Variants in H1-2 observed in about 807,000 individuals in gnomAD.
H1-2 encodes H1.2 linker histone, cluster member.
H1-2 carries 7 observed loss-of-function variants against 7.2 expected under a neutral mutation model. That is an observed-to-expected ratio of 0.97 (90% CI 0.55 to 1.82). H1-2 has a LOEUF of 1.82. Ranked by LOEUF, H1-2 falls within the 40% of genes most tolerant of loss-of-function variation. H1-2 has a pLI of 0.00. For missense variants in H1-2, 703 were observed against 276.6 expected, an observed-to-expected ratio of 2.54 and a Z score of -10.94; for synonymous variants, 300 against 118.2, an observed-to-expected ratio of 2.54 and a Z score of -9.98.
rs780078059 is a variant in H1-2 at position 26,056,030 on chromosome 6, C to G, written c.399G>C (p.Gly133=). The G allele has an allele frequency of 3.1e-6, 5 of 1,614,060 alleles. No homozygotes were observed. The highest frequency in any genetic ancestry group is 1.7e-4 in the Middle Eastern group (1 of 6,000). Residue 133 remains glycine (G), a synonymous_variant, in exon 1 of 1, where the codon GGG becomes GGC. Transcript: ENST00000343677. ...CCGCCTTCTTGGGCTTCTTGGCTGC[C>G]CCAACTGGCTTCTTAGGTTTGGTTC... is the stretch of plus-strand genomic sequence containing the variant. ...AGGTKPKKPV[G]AAKKPKKAAG...
In H1-2 at chr6:26,055,890, G is replaced by A. The variant is rs201784591; in HGVS notation, c.539C>T (p.Ala180Val). The A allele has an allele frequency of 4.0e-5, 64 of 1,614,122 alleles. No individual in the cohort carries two copies. Among genetic ancestry groups the A allele is most frequent in the Non-Finnish European group, 8.5e-7 (1 of 1,180,024 alleles). ...VAKSPKKAKVAKPKKAAKSAA... is the reference protein window; with the variant it reads ...VAKSPKKAKVVKPKKAAKSAA... The stretch of plus-strand genomic sequence containing the variant: ...ACTTTTGGCAGCTTTCTTGGGCTTC[G>A]CAACCTTGGCCTTCTTTGGGCTCTT... The change falls in exon 1 of 1, where the codon GCG becomes GTG. Residue 180 changes from alanine to valine, a missense_variant. Coordinates refer to ENST00000343677, the MANE Select transcript of H1-2 (RefSeq NM_005319.4).
rs370981488 is a variant in H1-2 at position 26,055,903 on chromosome 6, T to C, written c.526A>G (p.Lys176Glu). ...VTKKVAKSPKKAKVAKPKKAA... is the reference protein window; with the variant it reads ...VTKKVAKSPKEAKVAKPKKAA... The stretch of plus-strand genomic sequence containing the variant: ...TTCTTGGGCTTCGCAACCTTGGCCT[T>C]CTTTGGGCTCTTAGCCACTTTCTTG... The change falls in exon 1 of 1, where the codon AAG becomes GAG. Residue 176 changes from lysine to glutamate, a missense_variant. Transcript: ENST00000343677. 8.7e-6 allele frequency: 14 copies of C among 1,614,162 alleles called. No homozygotes were observed. Among genetic ancestry groups the C allele is most frequent in the Non-Finnish European group, 1.1e-5 (13 of 1,180,004 alleles).
At position 26,056,390 on chromosome 6, in the gene H1-2, A is replaced by G. The variant is rs1279488007; in HGVS notation, c.39T>C (p.Pro13=). 1 of 1,601,640 alleles carries G rather than the reference A, an allele frequency of 6.2e-7. No individual in the cohort carries two copies. The highest frequency in any genetic ancestry group is 1.7e-5 in the Admixed American group (1 of 57,516). Residue 13 remains proline (P), a synonymous_variant, in exon 1 of 1, where the codon CCT becomes CCC. Transcript: ENST00000343677. ...ETAPAAPAAA[P]PAEKAPVKKK... ...TCTTTACAGGGGCCTTCTCCGCAGG[A>G]GGCGCGGCAGCGGGAGCGGCAGGAG... is the stretch of plus-strand genomic sequence containing the variant.
chr6:26,055,994 T>G lies in H1-2; in HGVS notation c.435A>C (p.Ala145=). ...AKKPKKAAGG[A]TPKKSAKKTP... ...TTTTCTTAGCGCTCTTCTTCGGAGTTGCGCCGCCAGCCGCCTTCTTGGGCT... is the reference window on the plus strand; with the variant it reads ...TTTTCTTAGCGCTCTTCTTCGGAGTGGCGCCGCCAGCCGCCTTCTTGGGCT... The change falls in exon 1 of 1, where the codon GCA becomes GCC. Residue 145 remains alanine, a synonymous_variant. Coordinates refer to ENST00000343677, the MANE Select transcript of H1-2 (RefSeq NM_005319.4). 1 of 1,614,010 alleles carries G rather than the reference T, an allele frequency of 6.2e-7. No homozygotes were observed.
In H1-2 at chr6:26,056,386, C is replaced by G. The variant is rs765202344; in HGVS notation, c.43G>C (p.Ala15Pro). The change falls in exon 1 of 1, where the codon GCG becomes CCG. Residue 15 changes from alanine (A) to proline (P), a missense_variant. Physicochemically the swap from Ala to Pro is conservative, Grantham distance 27. Coordinates refer to ENST00000343677, the MANE Select transcript of H1-2 (RefSeq NM_005319.4). ...TTCTTCTTTACAGGGGCCTTCTCCG[C>G]AGGAGGCGCGGCAGCGGGAGCGGCA... ...APAAPAAAPP[A>P]EKAPVKKKAA... 2 of 1,603,104 alleles carry G rather than the reference C, an allele frequency of 1.2e-6. No individual in the cohort carries two copies. The highest frequency in any genetic ancestry group is 2.2e-5 in the South Asian group (2 of 90,132).
Position 26,056,315 on chromosome 6 carries a change from G to C in H1-2, c.114C>G (p.Pro38=), listed in dbSNP as rs780590605. 8.1e-6 allele frequency: 13 copies of C among 1,613,966 alleles called. No homozygotes were observed. Among genetic ancestry groups the C allele is most frequent in the Admixed American group, 1.7e-5 (1 of 60,008 alleles). ...CCTTGGTGATGAGCTCTGACACCGG[G>C]GGACCAGACGCCTTACGAGGCGTAC... ...AGGTPRKASG[P]PVSELITKAV... The change falls in exon 1 of 1, where the codon CCC becomes CCG. Residue 38 remains proline (P), a synonymous_variant. Coordinates refer to ENST00000343677, the MANE Select transcript of H1-2 (RefSeq NM_005319.4).
Position 26,056,407 on chromosome 6 carries a change from C to T in H1-2, c.22G>A (p.Ala8Thr), listed in dbSNP as rs776476052. 7.8e-5 allele frequency: 124 copies of T among 1,598,924 alleles called. No individual in the cohort carries two copies. The highest frequency in any genetic ancestry group is 9.5e-5 in the Non-Finnish European group (112 of 1,173,346). ...TCCGCAGGAGGCGCGGCAGCGGGAG[C>T]GGCAGGAGCAGTCTCGGACATGTTG... MSETAPA[A>T]PAAAPPAEKA... The change falls in exon 1 of 1, where the codon GCT (alanine) becomes ACT (threonine). Residue 8 changes from alanine to threonine, a missense_variant. Coordinates refer to ENST00000343677, the MANE Select transcript of H1-2 (RefSeq NM_005319.4).
rs200564301 is a variant in H1-2, at chr6:26,055,857, T to G, written c.572A>C (p.Lys191Thr). Residue 191 changes from lysine to threonine, a missense_variant, in exon 1 of 1, where the codon AAG becomes ACG. Coordinates refer to ENST00000343677, the MANE Select transcript of H1-2 (RefSeq NM_005319.4). ...CTTAGCGGCCTTGGGCTTCACAGCC[T>G]TAGCAGCACTTTTGGCAGCTTTCTT... ...KPKKAAKSAA[K>T]AVKPKAAKPK... is the part of the protein sequence containing the mutation. 108 of 1,614,146 alleles carry G rather than the reference T, an allele frequency of 6.7e-5. No individual in the cohort carries two copies. The East Asian group carries it at 2.2e-3, about 33-fold the overall frequency.
rs748867178 is a variant in H1-2 at position 26,056,433 on chromosome 6, A to T, written c.-5T>A. The T allele has an allele frequency of 7.0e-6, 11 of 1,562,972 alleles. No individual in the cohort carries two copies. The African/African-American group carries it at 1.4e-4, about 20-fold the overall frequency. ...GGCAGGAGCAGTCTCGGACATGTTGAGAATCAAAAACTCGGGTACAAGTGG... is the reference window on the plus strand; with the variant it reads ...GGCAGGAGCAGTCTCGGACATGTTGTGAATCAAAAACTCGGGTACAAGTGG... On this transcript the variant is annotated 5_prime_UTR_variant, in exon 1 of 1. Coordinates refer to ENST00000343677, the MANE Select transcript of H1-2 (RefSeq NM_005319.4).
chr6:26,056,469 A>G lies in H1-2; in HGVS notation c.-41T>C, dbSNP rs780877147. Reference sequence around the variant, plus strand: ...CTCGGGTACAAGTGGCAAAGCGCCGATGAAGCAGCGCCTGGGCAGGGCCGC... The same window carrying G: ...CTCGGGTACAAGTGGCAAAGCGCCGGTGAAGCAGCGCCTGGGCAGGGCCGC... On this transcript the variant is annotated 5_prime_UTR_variant, in exon 1 of 1. Coordinates refer to ENST00000343677, the MANE Select transcript of H1-2 (RefSeq NM_005319.4). The G allele has an allele frequency of 3.3e-6, 5 of 1,535,658 alleles. No individual in the cohort carries two copies. The highest frequency in any genetic ancestry group is 2.3e-5 in the East Asian group (1 of 44,382).
At position 26,055,848 on chromosome 6, in the gene H1-2, T is replaced by C. The variant is rs1443155576; in HGVS notation, c.581A>G (p.Lys194Arg). ...AACCTTGGGCTTAGCGGCCTTGGGCTTCACAGCCTTAGCAGCACTTTTGGC... is the reference window on the plus strand; with the variant it reads ...AACCTTGGGCTTAGCGGCCTTGGGCCTCACAGCCTTAGCAGCACTTTTGGC... ...KAAKSAAKAV[K>R]PKAAKPKVVK... Residue 194 changes from lysine to arginine, a missense_variant, in exon 1 of 1, where the codon AAG becomes AGG. Transcript: ENST00000343677. 2 of 1,613,830 alleles carry C rather than the reference T, an allele frequency of 1.2e-6. No individual in the cohort carries two copies. The highest frequency in any genetic ancestry group is 1.3e-5 in the African/African-American group (1 of 74,926).
chr6:26,055,826 C>T lies in H1-2; in HGVS notation c.603G>A (p.Lys201=), dbSNP rs762236209. The part of the protein sequence containing the change: ...KAVKPKAAKP[K]VVKPKKAAPK... ...GCGCCGCCTTCTTAGGCTTGACAACCTTGGGCTTAGCGGCCTTGGGCTTCA... is the reference window on the plus strand; with the variant it reads ...GCGCCGCCTTCTTAGGCTTGACAACTTTGGGCTTAGCGGCCTTGGGCTTCA... The change falls in exon 1 of 1, where the codon AAG becomes AAA. Residue 201 remains lysine (K), a synonymous_variant. Transcript: ENST00000343677. 2.5e-6 allele frequency: 4 copies of T among 1,611,538 alleles called. No homozygotes were observed. The highest frequency in any genetic ancestry group is 2.2e-5 in the East Asian group (1 of 44,862).
chr6:26,056,316 G>T lies in H1-2; in HGVS notation c.113C>A (p.Pro38His). ...CTTGGTGATGAGCTCTGACACCGGG[G>T]GACCAGACGCCTTACGAGGCGTACC... ...AGGTPRKASG[P>H]PVSELITKAV... The change falls in exon 1 of 1, where the codon CCC becomes CAC. Residue 38 changes from proline (P) to histidine (H), a missense_variant. Pro to His is a moderately conservative substitution (Grantham distance 77, BLOSUM62 -2). Transcript: ENST00000343677. 1 of 1,614,094 alleles carries T rather than the reference G, an allele frequency of 6.2e-7. No homozygotes were observed. Among genetic ancestry groups the T allele is most frequent in the Non-Finnish European group, 8.5e-7 (1 of 1,179,932 alleles).
In H1-2 at chr6:26,056,008, CCTT is replaced by C. The variant is rs1561927204; in HGVS notation, c.418_420del (p.Lys140del). ...TTCTTCGGAGTTGCGCCGCCAGCCG[CCTT>C]CTTGGGCTTCTTGGCTGCCCCAACT... On this transcript the variant is annotated inframe_deletion, in exon 1 of 1. Transcript: ENST00000343677. The C allele has an allele frequency of 1.2e-6, 2 of 1,614,060 alleles. No homozygotes were observed. Among genetic ancestry groups the C allele is most frequent in the South Asian group, 1.1e-5 (1 of 91,076 alleles).
rs568647778 is a variant in H1-2, at chr6:26,055,985, C to G, written c.444G>C (p.Lys148Asn). ...TCTTCGGTGTTTTCTTAGCGCTCTTCTTCGGAGTTGCGCCGCCAGCCGCCT... is the reference window on the plus strand; with the variant it reads ...TCTTCGGTGTTTTCTTAGCGCTCTTGTTCGGAGTTGCGCCGCCAGCCGCCT... ...PKKAAGGATP[K>N]KSAKKTPKKA... Residue 148 changes from lysine (K) to asparagine (N), a missense_variant, in exon 1 of 1, where the codon AAG becomes AAC. Lys to Asn is a moderately conservative substitution (Grantham distance 94). Coordinates refer to ENST00000343677, the MANE Select transcript of H1-2 (RefSeq NM_005319.4). The G allele has an allele frequency of 6.2e-7, 1 of 1,614,056 alleles. No homozygotes were observed. The highest frequency in any genetic ancestry group is 8.5e-7 in the Non-Finnish European group (1 of 1,180,038).
At position 26,055,773 on chromosome 6, in the gene H1-2, A is replaced by C; in HGVS notation, c.*14T>G. The C allele has an allele frequency of 6.3e-7, 1 of 1,581,450 alleles. No homozygotes were observed. The highest frequency in any genetic ancestry group is 8.5e-7 in the Non-Finnish European group (1 of 1,171,078). Reference sequence around the variant, plus strand: ...CTGAAAAGAGCCTTTTGGGTTTTAGAAGTAGGCGTTCGCCTATTTCTTCTT... The same window carrying C: ...CTGAAAAGAGCCTTTTGGGTTTTAGCAGTAGGCGTTCGCCTATTTCTTCTT... On this transcript the variant is annotated 3_prime_UTR_variant, in exon 1 of 1. Transcript: ENST00000343677.
rs780220505 is a variant in H1-2 at position 26,055,980 on chromosome 6, C to T, written c.449G>A (p.Ser150Asn). The change falls in exon 1 of 1, where the codon AGC becomes AAC. Residue 150 changes from serine to asparagine, a missense_variant. Transcript: ENST00000343677. ...CGCTTTCTTCGGTGTTTTCTTAGCG[C>T]TCTTCTTCGGAGTTGCGCCGCCAGC... ...KAAGGATPKK[S>N]AKKTPKKAKK... is the part of the protein sequence containing the mutation. 10 of 1,613,858 alleles carry T rather than the reference C, an allele frequency of 6.2e-6. No homozygotes were observed. The highest frequency in any genetic ancestry group is 1.7e-4 in the Middle Eastern group (1 of 6,042).
At position 26,056,031 on chromosome 6, in the gene H1-2, C is replaced by T. The variant is rs768431666; in HGVS notation, c.398G>A (p.Gly133Glu). 1.2e-6 allele frequency: 2 copies of T among 1,613,964 alleles called. No homozygotes were observed. Among genetic ancestry groups the T allele is most frequent in the Non-Finnish European group, 1.7e-6 (2 of 1,180,022 alleles). Residue 133 changes from glycine (G) to glutamate (E), a missense_variant, in exon 1 of 1, where the codon GGG becomes GAG. Coordinates refer to ENST00000343677, the MANE Select transcript of H1-2 (RefSeq NM_005319.4). ...CGCCTTCTTGGGCTTCTTGGCTGCCCCAACTGGCTTCTTAGGTTTGGTTCC... is the reference window on the plus strand; with the variant it reads ...CGCCTTCTTGGGCTTCTTGGCTGCCTCAACTGGCTTCTTAGGTTTGGTTCC... ...AGGTKPKKPV[G>E]AAKKPKKAAG...
rs574117200 is a variant in H1-2, at chr6:26,056,444, C to G, written c.-16G>C. 259 of 1,554,208 alleles carry G rather than the reference C, an allele frequency of 1.7e-4. No homozygotes were observed. The South Asian group carries it at 2.5e-3, about 15-fold the overall frequency. On this transcript the variant is annotated 5_prime_UTR_variant, in exon 1 of 1. Transcript: ENST00000343677. ...TCTCGGACATGTTGAGAATCAAAAACTCGGGTACAAGTGGCAAAGCGCCGA... is the reference window on the plus strand; with the variant it reads ...TCTCGGACATGTTGAGAATCAAAAAGTCGGGTACAAGTGGCAAAGCGCCGA...
Sources: gnomAD v4.1 joint callset for allele counts on GRCh38, gnomAD v4.1.1 for gene constraint, MANE v1.5 for transcripts, NCBI Gene and HGNC (gene_info 2026-07-23, HGNC 2026-07-21) for gene names.